Variants in PRDM15 observed in about 807,000 individuals in gnomAD.
PRDM15 encodes PR/SET domain 15.
A neutral mutation model predicts 128.6 loss-of-function variants in PRDM15; 64 were observed. That is an observed-to-expected ratio of 0.50 (90% CI 0.41 to 0.61). The LOEUF is 0.61. Among genes scored for constraint, PRDM15 ranks in the 20% least tolerant of loss-of-function variants. PRDM15 has a pLI of 0.00. For synonymous variants in PRDM15, 615 were observed against 621.8 expected, an observed-to-expected ratio of 0.99 and a Z score of 0.16; for missense variants, 1,242 against 1,569.1, an observed-to-expected ratio of 0.79 and a Z score of 3.52.
chr21:41,854,455 G>A lies in PRDM15; in HGVS notation c.538+111C>T. 7.2e-7 allele frequency: 1 copy of A among 1,379,632 alleles called. No homozygotes were observed. The allele number at this position is 1,379,632 out of a possible 1,614,324, so 85.5% of individuals were successfully genotyped here. On this transcript the variant is annotated intron_variant, in intron 5 of 23. Coordinates refer to ENST00000398548, the MANE Select transcript of PRDM15 (RefSeq NM_001040424.3). This position sits in a 1 kb window ranked among gnomAD's most constrained non-coding sequence, Gnocchi z 4.6. ...TCCACTCTCCGCATCCCAGCAGCTG[G>A]CCCAGCCCAACCCATCTCATCAGTG...
In PRDM15 at chr21:41,838,018, A is replaced by C; in HGVS notation, c.917T>G (p.Val306Gly). Residue 306 changes from valine (V) to glycine (G), a missense_variant, in exon 8 of 24, where the codon GTG (valine) becomes GGG (glycine). Val to Gly is a moderately radical substitution (Grantham distance 109). Transcript: ENST00000398548. Reference protein sequence around the residue: ...IITEVPPDEPVSATPDERIME... With the variant: ...IITEVPPDEPGSATPDERIME... ...GATCCGCTCATCTGGCGTTGCACTCACAGGCTCATCCGGAGGGACCTCGGT... is the reference window on the plus strand; with the variant it reads ...GATCCGCTCATCTGGCGTTGCACTCCCAGGCTCATCCGGAGGGACCTCGGT... 1 of 1,614,164 alleles carries C rather than the reference A, an allele frequency of 6.2e-7. No homozygotes were observed. The highest frequency in any genetic ancestry group is 8.5e-7 in the Non-Finnish European group (1 of 1,180,024).
Position 41,801,720 on chromosome 21 carries a change from T to A in PRDM15, c.2946A>T (p.Val982=), listed in dbSNP as rs766174753. 6.2e-7 allele frequency: 1 copy of A among 1,609,106 alleles called. No individual in the cohort carries two copies. Residue 982 remains valine, a splice_region_variant and synonymous_variant, in exon 24 of 24, where the codon GTA becomes GTT. Coordinates refer to ENST00000398548, the MANE Select transcript of PRDM15 (RefSeq NM_001040424.3). ...TNSAVQSIQQ[V]VVTLGDPNVT... The stretch of plus-strand genomic sequence containing the variant: ...CATTTGGGTCACCCAGGGTCACCAC[T>A]ACCTGGAAGATTCACACACAACAAA...
chr21:41,819,972 G>A (rs2062194261), intron 17 of PRDM15, 123 bp downstream of exon 17: 9 of 856,654 alleles, frequency 1.1e-5, no homozygotes, highest in Non-Finnish European at 1.7e-5. Flanking sequence ...GAGAAACAGA[G>A]GAAGGCATGG....
chr21:41,828,950 TCA>T lies in PRDM15; in HGVS notation c.1367-619_1367-618del, dbSNP rs1416995051. 7.0e-6 allele frequency among the ~76,000 whole-genome samples: 1 copy of T among 141,872 alleles called. No homozygotes were observed. Among genetic ancestry groups the T allele is most frequent in the African/African-American group, 2.7e-5 (1 of 36,428 alleles). The allele number at this position is 141,872 out of a possible 152,430, so 93.1% of individuals were successfully genotyped here. A position where few individuals can be genotyped will look rare whatever the true frequency, so the allele number is the denominator to read the frequency against. On this transcript the variant is annotated intron_variant, in intron 11 of 23. Coordinates refer to ENST00000398548, the MANE Select transcript of PRDM15 (RefSeq NM_001040424.3). The surrounding 1 kb of genome is among the most constrained non-coding windows in gnomAD (Gnocchi z 5.7). Reference sequence around the variant, plus strand: ...ACACACCCCCCACACAAATACACAATCACACACACCACATACACACACCACGC... The same window carrying T: ...ACACACCCCCCACACAAATACACAATCACACACCACATACACACACCACGC...
rs17113950 is a variant in PRDM15, at chr21:41,832,224, G to A, written c.1366+3213C>T. On this transcript the variant is annotated intron_variant, in intron 11 of 23. Coordinates refer to ENST00000398548, the MANE Select transcript of PRDM15 (RefSeq NM_001040424.3). This position sits in a 1 kb window ranked among gnomAD's most constrained non-coding sequence, Gnocchi z 4.2. ...TTAGTAATGCAGATTTTTTTCTTCT[G>A]TCAAATCTCTTTATCATGAATTCTT... Among the ~76,000 whole-genome samples, 10,549 of 152,158 alleles carry A rather than the reference G, an allele frequency of 0.069. 584 individuals are homozygous for A. The highest frequency in any genetic ancestry group is 0.25 in the East Asian group (1,269 of 5,160).
chr21:41,840,449 A>G (rs892421948), intron 6 of PRDM15, among the ~76,000 whole-genome samples: 99 of 151,962 alleles, frequency 6.5e-4, no homozygotes, highest in Non-Finnish European at 1.2e-3. Flanking sequence ...TCTCAAAAAA[A>G]AAAAAAAAAA....
chr21:41,833,656 G>GT (rs1331276249), intron 11 of PRDM15, among the ~76,000 whole-genome samples: 32 of 152,262 alleles, frequency 2.1e-4, no homozygotes, highest in African/African-American at 7.0e-4. Flanking sequence ...TTTGAAACTA[G>GT]AACATCTCAG....
chr21:41,844,561 C>T (rs1351620421), intron 6 of PRDM15, among the ~76,000 whole-genome samples: 8 of 87,504 alleles, frequency 9.1e-5, no homozygotes, highest in African/African-American at 3.8e-4. Context: ...CACACACACA[C>T]ACACACACAC....
chr21:41,810,939 CAGG>C lies in PRDM15; in HGVS notation c.2393-106_2393-104del. 1.0e-6 allele frequency: 1 copy of C among 998,062 alleles called. No individual in the cohort carries two copies. Among genetic ancestry groups the C allele is most frequent in the South Asian group, 1.4e-5 (1 of 74,002 alleles). 61.8% of individuals were successfully genotyped at this position (998,062 alleles called of 1,614,324 possible). Reference sequence around the variant, plus strand: ...CACGTTCCAGGCACTGTAGGGCCTTCAGGAGAAGGTGAATTGCAAGAAGACAGC... The same window carrying C: ...CACGTTCCAGGCACTGTAGGGCCTTCAGAAGGTGAATTGCAAGAAGACAGC... On this transcript the variant is annotated intron_variant, in intron 19 of 23. Transcript: ENST00000398548. This position sits in a 1 kb window ranked among gnomAD's most constrained non-coding sequence, Gnocchi z 6.4.
chr21:41,852,714 G>T (rs938471447), intron 5 of PRDM15, among the ~76,000 whole-genome samples: 1 of 152,282 alleles, frequency 6.6e-6, no homozygotes, highest in Admixed American at 6.5e-5. Context: ...AGAGGGAGCC[G>T]CCTGGCTCCT....
chr21:41,877,324 C>A (rs892591489), intron 1 of PRDM15: 1 of 152,484 alleles, frequency 6.6e-6, no homozygotes, highest in African/African-American at 2.4e-5. Flanking sequence ...CTGCCCAGAA[C>A]ATTAGGTCCA....
rs1456065111 is a variant in PRDM15, at chr21:41,836,121, T to C, written c.1270A>G (p.Arg424Gly). ...GGCTTGTTTCCACCCACCTCGTTCC[T>C]GCTGTGCTTGTAGGAAACGTGCTGC... Reference protein sequence around the residue: ...LKQHVSYKHSRNEVDGEYRYR... With the variant: ...LKQHVSYKHSGNEVDGEYRYR... The change falls in exon 10 of 24, where the codon AGG becomes GGG. Residue 424 changes from arginine to glycine, a missense_variant. This residue lies in a region of PRDM15 where 612 missense variants were observed against 717.0 expected (regional missense o/e 0.85). Coordinates refer to ENST00000398548, the MANE Select transcript of PRDM15 (RefSeq NM_001040424.3). The C allele has an allele frequency of 6.8e-6, 11 of 1,613,422 alleles. No individual in the cohort carries two copies. The highest frequency in any genetic ancestry group is 1.3e-5 in the African/African-American group (1 of 74,862).
chr21:41,843,254 A>G (rs1383300524), intron 6 of PRDM15, among the ~76,000 whole-genome samples: 1 of 152,168 alleles, frequency 6.6e-6, no homozygotes, highest in Non-Finnish European at 1.5e-5. Flanking sequence ...TGCCAGAAGT[A>G]TAACTCTTTC....
Position 41,854,884 on chromosome 21 carries a change from G to T in PRDM15, c.286-66C>A. 1 of 1,533,160 alleles carries T rather than the reference G, an allele frequency of 6.5e-7. No individual in the cohort carries two copies. The highest frequency in any genetic ancestry group is 8.8e-7 in the Non-Finnish European group (1 of 1,136,430). 95.0% of individuals were successfully genotyped at this position (1,533,160 alleles called of 1,614,324 possible). ...TGATTACCCATCTGTGTATCAGCGT[G>T]TGGGGGGCAGGTGCTGAGGAACCCA... On this transcript the variant is annotated intron_variant, in intron 4 of 23. Transcript: ENST00000398548. This position sits in a 1 kb window ranked among gnomAD's most constrained non-coding sequence, Gnocchi z 4.6.
At position 41,863,558 on chromosome 21, in the gene PRDM15, G is replaced by A. The variant is rs1401025266; in HGVS notation, c.-9-3186C>T. 2.6e-5 allele frequency among the ~76,000 whole-genome samples: 4 copies of A among 151,986 alleles called. No individual in the cohort carries two copies. In the East Asian group the frequency reaches 5.8e-4, roughly 22 times the overall value. On this transcript the variant is annotated intron_variant, in intron 1 of 23. Transcript: ENST00000398548. ...CAAACTTATCAGAAATGTCAATTAA[G>A]CTCAGACCAGGACCATCTGCATCTA...
chr21:41,813,838 G>A (rs1327110064), intron 19 of PRDM15: 1 of 150,698 alleles, frequency 6.6e-6, no homozygotes, highest in Non-Finnish European at 1.5e-5. Flanking sequence ...TTATGAGAAC[G>A]CCTTGTGTTA....
chr21:41,831,628 GA>G (rs1010798738), intron 11 of PRDM15, among the ~76,000 whole-genome samples: 34 of 152,346 alleles, frequency 2.2e-4, no homozygotes, highest in Admixed American at 2.0e-3. Flanking sequence ...TCCCAGCTGG[GA>G]ATGGACAAGG....
chr21:41,843,473 C>T (rs1353849704), intron 6 of PRDM15, among the ~76,000 whole-genome samples: 1 of 152,204 alleles, frequency 6.6e-6, no homozygotes, highest in Non-Finnish European at 1.5e-5. Flanking sequence ...ACGCAGAGGA[C>T]ATGTGCCATC....
intron 19 of PRDM15, chr21:41,814,454 T>C (rs1234260542): frequency 2.3e-5 from 2 of 86,066 alleles, no homozygotes; most frequent in Non-Finnish European, 4.6e-5. Context: ...GAGAACGACT[T>C]GTGTTAGTGA....
Sources: gnomAD v4.1 joint callset for allele counts (sites outside exome capture counted in the v4.1 genomes callset) on GRCh38, gnomAD v4.1.1 for gene constraint, gnomAD v4.1.1 regional missense constraint, Gnocchi (gnomAD v3.1) non-coding constraint, MANE v1.5 for transcripts, NCBI Gene and HGNC (gene_info 2026-07-23, HGNC 2026-07-21) for gene names.